The following TSNARE1 variants were observed in gnomAD, a reference collection of about 807,000 sequenced individuals.
TSNARE1 encodes the protein t-SNARE domain containing 1.
A neutral mutation model predicts 62.0 loss-of-function variants in TSNARE1; 49 were observed. That is an observed-to-expected ratio of 0.79 (90% CI 0.63 to 1.00). The LOEUF (loss-of-function observed/expected upper bound fraction) is 1.00. TSNARE1 is among the 50% of genes least tolerant of loss of function. The probability of loss-of-function intolerance (pLI) is 0.00; values close to 1 mark genes in which losing one functional copy is unlikely to be tolerated. For missense variants in TSNARE1, 755 were observed against 700.1 expected, an observed-to-expected ratio of 1.08 and a Z score of -0.88; for synonymous variants, 328 against 294.4, an observed-to-expected ratio of 1.11 and a Z score of -1.17.
intron 12 of TSNARE1, among the ~76,000 whole-genome samples, chr8:142,255,476 C>T (rs1187427630): frequency 1.6e-4 from 7 of 44,802 alleles, no homozygotes; most frequent in East Asian, 8.0e-4. Flanking sequence ...ATCACCACCA[C>T]CATCACCATC....
intron 11 of TSNARE1, chr8:142,277,871 C>A: frequency 1.0e-6 from 1 of 985,400 alleles, no homozygotes. Context: ...GGACTAAGCA[C>A]CTGGGCCACA....
chr8:142,365,863 C>T (rs1835512034), intron 1 of TSNARE1: 4 of 436,732 alleles, frequency 9.2e-6, no homozygotes, highest in Non-Finnish European at 1.4e-5. Context: ...AAGTGCAAAA[C>T]ATTACTAAAA....
intron 1 of TSNARE1, among the ~76,000 whole-genome samples, chr8:142,395,733 C>A (rs967351038): frequency 6.6e-6 from 1 of 152,208 alleles, no homozygotes; most frequent in Non-Finnish European, 1.5e-5. Context: ...CAGCACACCA[C>A]GCTCATCAGC....
chr8:142,374,444 C>T (rs531661201), intron 1 of TSNARE1, among the ~76,000 whole-genome samples: 30 of 151,024 alleles, frequency 2.0e-4, no homozygotes, highest in African/African-American at 6.6e-4. Flanking sequence ...TTTGGGAGGC[C>T]GAGGTAGGCG....
intron 12 of TSNARE1, chr8:142,274,524 G>A: frequency 1.0e-6 from 1 of 985,484 alleles, no homozygotes; most frequent in Non-Finnish European, 1.2e-6. Flanking sequence ...GGATCCATGG[G>A]AGAGGGCGGC....
intron 12 of TSNARE1, among the ~76,000 whole-genome samples, chr8:142,235,291 C>T (rs1477773702): frequency 1.3e-5 from 2 of 152,060 alleles, no homozygotes; most frequent in Non-Finnish European, 2.9e-5. Flanking sequence ...AGGCAGGGTC[C>T]GGCAGGTGGC....
chr8:142,273,728 G>A (rs1428163647), intron 12 of TSNARE1: 3 of 985,194 alleles, frequency 3.0e-6, no homozygotes, highest in Admixed American at 6.1e-5. Context: ...GGGTCCCACT[G>A]GGGAAGCTCA....
At chr8:142,222,077 T>TCCTTCACTCACTCATC (rs1487146202) in intron 13 of TSNARE1, among the ~76,000 whole-genome samples, 668 of 51,816 alleles carry the variant, frequency 0.013, 13 homozygotes, top group Non-Finnish European at 0.021. Context: ...ACTCACTCAC[T>TCCTTCACTCACTCATC]CACTCCTTCA....
At chr8:142,364,109 G>A (rs1554674367) in intron 1 of TSNARE1, among the ~76,000 whole-genome samples, 3 of 152,146 alleles carry the variant, frequency 2.0e-5, no homozygotes, top group Non-Finnish European at 4.4e-5. Flanking sequence ...GGTACCTGGC[G>A]CCCCATGGCT....
intron 11 of TSNARE1, chr8:142,276,589 G>A: frequency 1.0e-6 from 1 of 985,412 alleles, no homozygotes; most frequent in Non-Finnish European, 1.2e-6. Flanking sequence ...AGGTGGTGCT[G>A]GACAGGCCAT....
At chr8:142,293,108 C>G (rs1216392723) in intron 10 of TSNARE1, among the ~76,000 whole-genome samples, 1 of 152,172 alleles carries the variant, frequency 6.6e-6, no homozygotes, top group Non-Finnish European at 1.5e-5. Context: ...CCCAAGAAAA[C>G]GCAAACCCCT....
chr8:142,252,950 C>A (rs1563778401), intron 12 of TSNARE1, among the ~76,000 whole-genome samples: 1 of 152,232 alleles, frequency 6.6e-6, no homozygotes, highest in Non-Finnish European at 1.5e-5. Context: ...GCTCTGCGTC[C>A]ACTCCGGCCC....
At chr8:142,359,648 C>T (rs2130848629) in intron 1 of TSNARE1, among the ~76,000 whole-genome samples, 1 of 152,336 alleles carries the variant, frequency 6.6e-6, no homozygotes, top group South Asian at 2.1e-4. Flanking sequence ...GGCCCCAGGC[C>T]ACCCAGAGCC....
At chr8:142,255,880 A>G (rs1330461754) in intron 12 of TSNARE1, among the ~76,000 whole-genome samples, 1 of 96,764 alleles carries the variant, frequency 1.0e-5, no homozygotes, top group African/African-American at 3.4e-5. Flanking sequence ...CATCATCACC[A>G]TCACCACCAC....
At chr8:142,377,581 C>T (rs1294053953) in intron 1 of TSNARE1, among the ~76,000 whole-genome samples, 1 of 152,202 alleles carries the variant, frequency 6.6e-6, no homozygotes, top group Admixed American at 6.5e-5. Context: ...ACCCAAGAAT[C>T]GCAGGAAGGC....
chr8:142,358,315 A>G (rs13276486), intron 1 of TSNARE1, among the ~76,000 whole-genome samples: 14 of 146,994 alleles, frequency 9.5e-5, no homozygotes, highest in East Asian at 4.2e-4. Context: ...AAAGGGCGGC[A>G]GGGTCTGCTA....
At chr8:142,279,210 T>G (rs2130736433) in intron 11 of TSNARE1, among the ~76,000 whole-genome samples, 1 of 152,348 alleles carries the variant, frequency 6.6e-6, no homozygotes, top group Middle Eastern at 3.4e-3. Context: ...TTGGAAGACC[T>G]GGCTGCCTAA....
At chr8:142,270,802 A>C (rs1819460261) in intron 12 of TSNARE1, 1 of 985,326 alleles carries the variant, frequency 1.0e-6, no homozygotes, top group East Asian at 1.1e-4. Flanking sequence ...ATGGGGTTGG[A>C]GCCTCCAACA....
At chr8:142,248,550 A>G (rs533992346) in intron 12 of TSNARE1, among the ~76,000 whole-genome samples, 1 of 152,282 alleles carries the variant, frequency 6.6e-6, no homozygotes, top group Admixed American at 6.5e-5. Context: ...TGCTTCCCAA[A>G]TGCTGCCCTG....
Sources: gnomAD v4.1 joint callset for allele counts (sites outside exome capture counted in the v4.1 genomes callset) on GRCh38, gnomAD v4.1.1 for gene constraint, MANE v1.5 for transcripts, NCBI Gene and HGNC (gene_info 2026-07-23, HGNC 2026-07-21) for gene names.